The following CNKSR3 variants were observed in gnomAD, a reference collection of about 807,000 sequenced individuals.
CNKSR3 encodes CNKSR family member 3, also known as connector enhancer of kinase suppressor of ras 3.
CNKSR3 carries 36 observed loss-of-function variants against 67.7 expected under a neutral mutation model. The ratio of observed to expected loss-of-function variants is 0.53; its 90% CI spans 0.41 to 0.70. The LOEUF (loss-of-function observed/expected upper bound fraction) is 0.70, where lower values mean the gene tolerates loss of function less well. Among genes scored for constraint, CNKSR3 ranks in the 30% least tolerant of loss-of-function variants. CNKSR3 has a pLI of 0.00. For missense variants in CNKSR3, 630 were observed against 695.2 expected, an observed-to-expected ratio of 0.91 and a Z score of 1.05; for synonymous variants, 281 against 271.4, an observed-to-expected ratio of 1.04 and a Z score of -0.35.
At chr6:154,438,982 C>T (rs1378302661) in intron 4 of CNKSR3, among the ~76,000 whole-genome samples, 5 of 152,116 alleles carry the variant, frequency 3.3e-5, no homozygotes, top group African/African-American at 1.2e-4. Flanking sequence ...TAACGATCGA[C>T]CCCTCTCTAC....
intron 4 of CNKSR3, 70 bp downstream of exon 4, chr6:154,441,222 C>T: frequency 8.7e-7 from 1 of 1,144,758 alleles, no homozygotes; most frequent in Admixed American, 2.2e-5. Context: ...GCATGAAAAT[C>T]CTTTCAAGAA....
At chr6:154,473,165 G>A (rs1050376646) in intron 1 of CNKSR3, among the ~76,000 whole-genome samples, 1 of 152,172 alleles carries the variant, frequency 6.6e-6, no homozygotes, top group Non-Finnish European at 1.5e-5. Context: ...CTAATCTATG[G>A]TCAAACAGGA....
At chr6:154,486,713 C>T (rs942679602) in intron 1 of CNKSR3, among the ~76,000 whole-genome samples, 3 of 151,878 alleles carry the variant, frequency 2.0e-5, no homozygotes, top group Non-Finnish European at 4.4e-5. Flanking sequence ...AGACTGGTCT[C>T]GAACTCCTGA....
At chr6:154,441,454 T>C (rs898377850) in intron 3 of CNKSR3, 75 bp from the exon 4 acceptor site, 2 of 1,052,522 alleles carry the variant, frequency 1.9e-6, no homozygotes, top group Non-Finnish European at 3.0e-6. Context: ...TTGGTAAGCA[T>C]AGCTACCCCA....
rs535395402 is a variant in CNKSR3 at position 154,400,411 on chromosome 6, G to C, written c.*5943C>G. The stretch of plus-strand genomic sequence containing the variant: ...CCATAGAACTTTAGAATATGCCTAT[G>C]GATGGCCAAGTCACAACCAGAATTG... On this transcript the variant is annotated 3_prime_UTR_variant, in exon 13 of 13. Coordinates refer to ENST00000607772, the MANE Select transcript of CNKSR3 (RefSeq NM_173515.4). 1.1e-4 allele frequency: 17 copies of C among 152,204 alleles called. No homozygotes were observed. Among genetic ancestry groups the C allele is most frequent in the Non-Finnish European group, 2.2e-4 (15 of 68,056 alleles). 9.4% of individuals were successfully genotyped at this position (152,204 alleles called of 1,614,324 possible). A position where few individuals can be genotyped will look rare whatever the true frequency, so the allele number is the denominator to read the frequency against.
intron 1 of CNKSR3, among the ~76,000 whole-genome samples, chr6:154,501,573 C>T (rs1375386817): frequency 6.6e-6 from 1 of 152,058 alleles, no homozygotes; most frequent in Non-Finnish European, 1.5e-5. Flanking sequence ...TATTCCCTCT[C>T]CTAGAATGCC....
intron 1 of CNKSR3, among the ~76,000 whole-genome samples, chr6:154,450,904 G>C (rs1038820465): frequency 5.3e-5 from 8 of 152,328 alleles, no homozygotes; most frequent in South Asian, 4.1e-4. Context: ...GAAAGAGAGA[G>C]AGAAAATGCC....
chr6:154,405,026 C>T lies in CNKSR3; in HGVS notation c.*1328G>A, dbSNP rs1178868550. The stretch of plus-strand genomic sequence containing the variant: ...ACAATTCCGGTGGTATGAGAAAGGG[C>T]ATTTTGGAGTAGGAGATTTCGGCTC... On this transcript the variant is annotated 3_prime_UTR_variant, in exon 13 of 13. Coordinates refer to ENST00000607772, the MANE Select transcript of CNKSR3 (RefSeq NM_173515.4). The T allele has an allele frequency of 1.3e-5, 2 of 152,188 alleles. No individual in the cohort carries two copies. The highest frequency in any genetic ancestry group is 2.9e-5 in the Non-Finnish European group (2 of 68,040). 9.4% of individuals were successfully genotyped at this position (152,188 alleles called of 1,614,324 possible).
At chr6:154,425,277 T>G (rs985675130) in intron 7 of CNKSR3, among the ~76,000 whole-genome samples, 2 of 152,244 alleles carry the variant, frequency 1.3e-5, no homozygotes, top group Non-Finnish European at 2.9e-5. Context: ...AGGAAGTCCC[T>G]GTCTCTAGAT....
At position 154,404,357 on chromosome 6, in the gene CNKSR3, G is replaced by T. The variant is rs1275134989; in HGVS notation, c.*1997C>A. The T allele has an allele frequency of 6.6e-6, 1 of 152,324 alleles. No homozygotes were observed. The highest frequency in any genetic ancestry group is 6.5e-5 in the Admixed American group (1 of 15,272). 9.4% of individuals were successfully genotyped at this position (152,324 alleles called of 1,614,324 possible). A position where few individuals can be genotyped will look rare whatever the true frequency, so the allele number is the denominator to read the frequency against. ...TGGGACTACAGGTGCCCACCACCAT[G>T]CGAAGCTGATTTTTAGTAGAGACAG... On this transcript the variant is annotated 3_prime_UTR_variant, in exon 13 of 13. Transcript: ENST00000607772.
intron 1 of CNKSR3, among the ~76,000 whole-genome samples, chr6:154,476,663 G>A (rs955307886): frequency 4.6e-5 from 7 of 152,062 alleles, no homozygotes; most frequent in Non-Finnish European, 7.4e-5. Flanking sequence ...GGGGTCACTC[G>A]GCAAAGTAGT....
At position 154,432,215 on chromosome 6, in the gene CNKSR3, C is replaced by T. The variant is rs4120849; in HGVS notation, c.549+1251G>A. 2.1e-3 allele frequency among the ~76,000 whole-genome samples: 322 copies of T among 152,220 alleles called. 9 individuals are homozygous for T. The East Asian group carries it at 0.045, about 21-fold the overall frequency. Reference sequence around the variant, plus strand: ...TTTAGCCTATATAATAGGTATATGGCGGTATCTCATTGTTGTTTTAATTTA... The same window carrying T: ...TTTAGCCTATATAATAGGTATATGGTGGTATCTCATTGTTGTTTTAATTTA... On this transcript the variant is annotated intron_variant, in intron 5 of 12. Transcript: ENST00000607772.
At position 154,508,506 on chromosome 6, in the gene CNKSR3, A is replaced by T. The variant is rs149670142; in HGVS notation, c.52+1557T>A. On this transcript the variant is annotated intron_variant, in intron 1 of 12. Transcript: ENST00000607772. Reference sequence around the variant, plus strand: ...GTGTCTCAAGTTGGCTCTATGAGGGACATACAGATAAAATACATATCAACT... The same window carrying T: ...GTGTCTCAAGTTGGCTCTATGAGGGTCATACAGATAAAATACATATCAACT... Among the ~76,000 whole-genome samples, 629 of 152,300 alleles carry T rather than the reference A, an allele frequency of 4.1e-3. 3 individuals are homozygous for T. Among genetic ancestry groups the T allele is most frequent in the African/African-American group, 0.014 (602 of 41,568 alleles).
At chr6:154,485,148 C>T (rs1786642423) in intron 1 of CNKSR3, among the ~76,000 whole-genome samples, 1 of 152,188 alleles carries the variant, frequency 6.6e-6, no homozygotes, top group African/African-American at 2.4e-5. Context: ...ATATGATGTA[C>T]ATGAATCATT....
intron 2 of CNKSR3, among the ~76,000 whole-genome samples, chr6:154,448,429 T>C (rs1785753138): frequency 9.9e-6 from 1 of 101,098 alleles, no homozygotes; most frequent in African/African-American, 4.0e-5. Context: ...TCAAACACGT[T>C]TGTACAAAAA....
intron 9 of CNKSR3, chr6:154,414,795 T>C (rs767950000): frequency 2.0e-6 from 1 of 499,596 alleles, no homozygotes; most frequent in Admixed American, 2.2e-5. Flanking sequence ...AGTTAGTTCA[T>C]GAAAATTACT....
intron 1 of CNKSR3, among the ~76,000 whole-genome samples, chr6:154,481,227 ATATT>A (rs1172377651): frequency 6.0e-5 from 9 of 149,610 alleles, no homozygotes. Flanking sequence ...CGCATATTTG[ATATT>A]TATTTGGCTT....
chr6:154,482,234 C>A (rs1024513363), intron 1 of CNKSR3, among the ~76,000 whole-genome samples: 3 of 152,174 alleles, frequency 2.0e-5, no homozygotes, highest in Admixed American at 6.5e-5. Flanking sequence ...TTAATATAAG[C>A]CTGGCCTTAA....
chr6:154,412,096 CTGCT>C (rs1784924054), intron 10 of CNKSR3, among the ~76,000 whole-genome samples: 1 of 152,200 alleles, frequency 6.6e-6, no homozygotes, highest in African/African-American at 2.4e-5. Flanking sequence ...AGGACAAAAA[CTGCT>C]AGACAAAATA....
Sources: gnomAD v4.1 joint callset for allele counts (sites outside exome capture counted in the v4.1 genomes callset) on GRCh38, gnomAD v4.1.1 for gene constraint, MANE v1.5 for transcripts, NCBI Gene and HGNC (gene_info 2026-07-23, HGNC 2026-07-21) for gene names.